RAD51AP2: variants seen among roughly 807,000 people sequenced by gnomAD.
RAD51AP2 encodes RAD51-associated protein 2.
RAD51AP2 carries 67 observed loss-of-function variants against 85.5 expected under a neutral mutation model. The observed-to-expected ratio is 0.78, with a 90% CI of 0.64 to 0.96. The LOEUF is 0.96. Among genes scored for constraint, RAD51AP2 ranks in the 40% least tolerant of loss-of-function variants. The probability of loss-of-function intolerance (pLI) is 0.00; values close to 1 mark genes in which losing one functional copy is unlikely to be tolerated. For missense variants in RAD51AP2, 1,307 were observed against 1,332.4 expected, an observed-to-expected ratio of 0.98 and a Z score of 0.30; for synonymous variants, 474 against 446.5, an observed-to-expected ratio of 1.06 and a Z score of -0.78.
Position 17,517,911 on chromosome 2 carries a change from C to T in RAD51AP2, c.505G>A (p.Gly169Arg). The change falls in exon 1 of 3, where the codon GGA becomes AGA. Residue 169 changes from glycine (G) to arginine (R), a missense_variant. Physicochemically the swap from Gly to Arg is moderately radical, Grantham distance 125. This residue lies in a region of RAD51AP2 where 635 missense variants were observed against 643.6 expected (regional missense o/e 0.99). Transcript: ENST00000399080. ...LPSTSIHDIH[G>R]IRNENRKQQF... The stretch of plus-strand genomic sequence containing the variant: ...TGTTTTCGATTCTCATTTCTAATTC[C>T]ATGTATATCGTGTATAGAGGTGCTG... 1 of 1,614,074 alleles carries T rather than the reference C, an allele frequency of 6.2e-7. No homozygotes were observed. Among genetic ancestry groups the T allele is most frequent in the African/African-American group, 1.3e-5 (1 of 75,008 alleles).
At chr2:17,528,713 C>T in the RAD51AP2 span, among the ~76,000 whole-genome samples, 2 of 152,054 alleles carry the variant, frequency 1.3e-5, no homozygotes, top group Admixed American at 1.3e-4. Flanking sequence ...CATGGTGGCA[C>T]GCAGCTGTGG....
At chr2:17,521,626 A>G (rs1260194430), upstream of RAD51AP2, among the ~76,000 whole-genome samples, 3 of 152,196 alleles carry the variant, frequency 2.0e-5, no homozygotes, top group South Asian at 2.1e-4. Context: ...CATCAAGTCA[A>G]TGATAAGCAC....
At position 17,516,527 on chromosome 2, in the gene RAD51AP2, A is replaced by G; in HGVS notation, c.1889T>C (p.Val630Ala). 1.3e-6 allele frequency: 2 copies of G among 1,549,268 alleles called. No individual in the cohort carries two copies. Among genetic ancestry groups the G allele is most frequent in the Non-Finnish European group, 1.8e-6 (2 of 1,134,586 alleles). Residue 630 changes from valine to alanine, a missense_variant, in exon 1 of 3, where the codon GTA becomes GCA. Coordinates refer to ENST00000399080, the MANE Select transcript of RAD51AP2 (RefSeq NM_001099218.3). ...TAGTCTTGAAGAAGTTAAAATCTTT[A>G]CTAGATATGCAGTATGATTTTCCAC... ...NIVENHTAYL[V>A]KILTSSRLLE...
chr2:17,515,942 T>G lies in RAD51AP2; in HGVS notation c.2474A>C (p.Glu825Ala). The G allele has an allele frequency of 1.2e-6, 2 of 1,604,358 alleles. No homozygotes were observed. Among genetic ancestry groups the G allele is most frequent in the Non-Finnish European group, 1.7e-6 (2 of 1,177,624 alleles). The change falls in exon 1 of 3, where the codon GAA (glutamate) becomes GCA (alanine). Residue 825 changes from glutamate to alanine, a missense_variant. By Grantham distance (107) the Glu-to-Ala change is moderately radical. This residue lies in a region of RAD51AP2 where 668 missense variants were observed against 671.0 expected (regional missense o/e 1.00). Transcript: ENST00000399080. ...CAAAATTAAGTCATATTTTTTTTCTTCTATTTCACTTAGCAAGTTCCAAAA... is the reference window on the plus strand; with the variant it reads ...CAAAATTAAGTCATATTTTTTTTCTGCTATTTCACTTAGCAAGTTCCAAAA... ...LNFWNLLSEIEEKKYDLILKE... is the reference protein window; with the variant it reads ...LNFWNLLSEIAEKKYDLILKE...
rs748272324 is a variant in RAD51AP2 at position 17,515,656 on chromosome 2, C to A, written c.2760G>T (p.Lys920Asn). 3.1e-6 allele frequency: 5 copies of A among 1,612,504 alleles called. No homozygotes were observed. In the African/African-American group the frequency reaches 4.0e-5, roughly 13 times the overall value. Residue 920 changes from lysine to asparagine, a missense_variant, in exon 1 of 3, where the codon AAG (lysine) becomes AAT (asparagine). Lys to Asn is a moderately conservative substitution (Grantham distance 94, BLOSUM62 0). Transcript: ENST00000399080. The part of the protein sequence containing the change: ...EIANSKDFHR[K>N]NDSALYINHQ... ...GATTAATATATAATGCAGAGTCATT[C>A]TTTCTGTGAAAATCCTTTGAATTAG...
At chr2:17,522,498 C>G (rs1296228033), upstream of RAD51AP2, among the ~76,000 whole-genome samples, 1 of 151,896 alleles carries the variant, frequency 6.6e-6, no homozygotes, top group East Asian at 1.9e-4. Context: ...TTTCTGCTTA[C>G]TTAGCTAATT....
At position 17,515,996 on chromosome 2, in the gene RAD51AP2, T is replaced by G. The variant is rs370539491; in HGVS notation, c.2420A>C (p.His807Pro). Residue 807 changes from histidine (H) to proline (P), a missense_variant, in exon 1 of 3, where the codon CAT becomes CCT. By Grantham distance (77) the His-to-Pro change is moderately conservative (BLOSUM62 -2). Around this residue, in one of 3 missense-constraint regions of RAD51AP2, gnomAD observed 668 missense variants for 671.0 expected, o/e 1.00. Transcript: ENST00000399080. The stretch of plus-strand genomic sequence containing the variant: ...TAGTACTTGAGTTATAGAAGTGGTA[T>G]GGGTCTCTTCATTATGTATTATGTT... ...SHNIIHNEET[H>P]TTSITQVLNF... The G allele has an allele frequency of 3.1e-6, 5 of 1,613,536 alleles. No homozygotes were observed. The highest frequency in any genetic ancestry group is 1.3e-5 in the African/African-American group (1 of 74,906).
chr2:17,518,694 G>A (rs10165783), upstream of RAD51AP2, among the ~76,000 whole-genome samples: 4,202 of 150,714 alleles, frequency 0.028, 179 homozygotes, highest in African/African-American at 0.096. Context: ...TCTATTTTTA[G>A]CGCCTTTTTC....
In RAD51AP2 at chr2:17,514,005, A is replaced by G. The variant is rs768292584; in HGVS notation, c.3328+7T>C. 11 of 1,452,544 alleles carry G rather than the reference A, an allele frequency of 7.6e-6. No homozygotes were observed. The highest frequency in any genetic ancestry group is 1.2e-5 in the South Asian group (1 of 85,774). The allele number at this position is 1,452,544 out of a possible 1,614,324, so 90.0% of individuals were successfully genotyped here. On this transcript the variant is annotated splice_region_variant and intron_variant, in intron 2 of 2. Transcript: ENST00000399080. ...GAAGTTATCCTAAAAAGTAACCACA[A>G]TGTTACCTCCTCTCAATAAATAATT...
chr2:17,527,139 C>T, the RAD51AP2 span, among the ~76,000 whole-genome samples: 1 of 152,058 alleles, frequency 6.6e-6, no homozygotes, highest in Non-Finnish European at 1.5e-5. Flanking sequence ...ATGCTTCAGC[C>T]TTCTATTTCT....
At position 17,517,065 on chromosome 2, in the gene RAD51AP2, C is replaced by G. The variant is rs1378450809; in HGVS notation, c.1351G>C (p.Val451Leu). Residue 451 changes from valine to leucine, a missense_variant, in exon 1 of 3, where the codon GTC becomes CTC. Physicochemically the swap from Val to Leu is conservative, Grantham distance 32. Transcript: ENST00000399080. ...GATTGTTCTTCATATGCATTGATGA[C>G]TTTTGCACAGTGGTAATCTTCCTTG... ...LSKEDYHCAK[V>L]INAYEEQSKL... 2 of 1,612,632 alleles carry G rather than the reference C, an allele frequency of 1.2e-6. No homozygotes were observed. The highest frequency in any genetic ancestry group is 8.5e-7 in the Non-Finnish European group (1 of 1,179,474).
At chr2:17,520,589 A>G (rs961641536), upstream of RAD51AP2, among the ~76,000 whole-genome samples, 2 of 152,116 alleles carry the variant, frequency 1.3e-5, no homozygotes, top group Admixed American at 6.6e-5. Flanking sequence ...CTCTGAATGA[A>G]TAAAAGGATT....
the RAD51AP2 span, among the ~76,000 whole-genome samples, chr2:17,526,470 T>A: frequency 1.3e-5 from 2 of 152,166 alleles, no homozygotes; most frequent in African/African-American, 4.8e-5. Flanking sequence ...TACCAAAAAA[T>A]AAAAAGATGA....
upstream of RAD51AP2, among the ~76,000 whole-genome samples, chr2:17,519,058 G>A (rs1045608339): frequency 1.3e-5 from 2 of 151,752 alleles, no homozygotes; most frequent in Admixed American, 6.6e-5. Flanking sequence ...AAAAATGTGT[G>A]GAAATTATTA....
chr2:17,513,125 C>A (rs902616379), intron 2 of RAD51AP2, among the ~76,000 whole-genome samples: 9 of 152,110 alleles, frequency 5.9e-5, no homozygotes, highest in African/African-American at 2.2e-4. Context: ...CTACCCTACA[C>A]CCTTGGTACC....
the RAD51AP2 span, among the ~76,000 whole-genome samples, chr2:17,524,410 T>G: frequency 6.6e-6 from 1 of 151,964 alleles, no homozygotes; most frequent in African/African-American, 2.4e-5. Flanking sequence ...AGTAAAGTTA[T>G]ATCTAGCCAC....
In RAD51AP2 at chr2:17,518,422, G is replaced by T; in HGVS notation, c.-7C>A. ...TGGGCTGAGGGAGAGACATGACAGC[G>T]AATGGAAAGGATCTGTCCGAGTCCC... is the stretch of plus-strand genomic sequence containing the variant. On this transcript the variant is annotated 5_prime_UTR_variant, in exon 1 of 3. Coordinates refer to ENST00000399080, the MANE Select transcript of RAD51AP2 (RefSeq NM_001099218.3). 6.2e-7 allele frequency: 1 copy of T among 1,607,788 alleles called. No homozygotes were observed.
upstream of RAD51AP2, among the ~76,000 whole-genome samples, chr2:17,523,022 T>G (rs998231012): frequency 6.6e-6 from 1 of 151,892 alleles, no homozygotes; most frequent in Non-Finnish European, 1.5e-5. Flanking sequence ...TCAAACTAAG[T>G]TTTTGAATCT....
Position 17,515,213 on chromosome 2 carries a change from G to T in RAD51AP2, c.3203C>A (p.Pro1068Gln). 6.2e-7 allele frequency: 1 copy of T among 1,600,076 alleles called. No individual in the cohort carries two copies. The highest frequency in any genetic ancestry group is 8.5e-7 in the Non-Finnish European group (1 of 1,174,422). ...AAGTAATTCTTCCTCTGATCTACTT[G>T]GATAACAACTCTCATTAGGAACTTC... Reference protein sequence around the residue: ...EQEVPNESCYPSRSEEELLYS... With the variant: ...EQEVPNESCYQSRSEEELLYS... The change falls in exon 1 of 3, where the codon CCA (proline) becomes CAA (glutamine). Residue 1068 changes from proline (P) to glutamine (Q), a missense_variant. Pro to Gln is a moderately conservative substitution (Grantham distance 76). Coordinates refer to ENST00000399080, the MANE Select transcript of RAD51AP2 (RefSeq NM_001099218.3).
Sources: allele counts gnomAD v4.1 joint callset (sites outside exome capture counted in the v4.1 genomes callset), GRCh38; gene constraint gnomAD v4.1.1; regional missense constraint gnomAD v4.1.1; transcripts MANE v1.5; gene names NCBI Gene and HGNC (gene_info 2026-07-23, HGNC 2026-07-21).